Variants in ASTN1 observed in about 807,000 individuals in gnomAD.
ASTN1 encodes astrotactin 1.
A neutral mutation model predicts 140.7 loss-of-function variants in ASTN1; 41 were observed. The ratio of observed to expected loss-of-function variants is 0.29; its 90% CI spans 0.23 to 0.38. The LOEUF (loss-of-function observed/expected upper bound fraction) is 0.38, where lower values mean the gene tolerates loss of function less well. ASTN1 is among the 10% of genes least tolerant of loss of function. The pLI, the probability that ASTN1 is intolerant of heterozygous loss-of-function variation, is 1.00. For missense variants in ASTN1, 1,479 were observed against 1,678.8 expected (o/e 0.88, Z 2.08); for synonymous variants, 640 against 652.2 (o/e 0.98, Z 0.29).
intron 17 of ASTN1, among the ~76,000 whole-genome samples, chr1:176,892,717 A>G (rs1669317223): frequency 6.6e-6 from 1 of 152,236 alleles, no homozygotes; most frequent in African/African-American, 2.4e-5. Flanking sequence ...ACCCAATGAT[A>G]TGCCAGAGGT....
intron 20 of ASTN1, among the ~76,000 whole-genome samples, chr1:176,879,525 C>T (rs973741769): frequency 4.7e-4 from 71 of 152,300 alleles, no homozygotes; most frequent in South Asian, 8.3e-4. Flanking sequence ...CATCCTACTT[C>T]GTTGTCAGAT....
intron 8 of ASTN1, among the ~76,000 whole-genome samples, chr1:176,972,967 T>C (rs903513190): frequency 1.3e-5 from 2 of 152,144 alleles, no homozygotes; most frequent in African/African-American, 2.4e-5. Context: ...TATACTGCTC[T>C]GCCCCCATCT....
Position 177,007,253 on chromosome 1 carries a change from C to T in ASTN1, c.1523+7538G>A, listed in dbSNP as rs192134400. Among the ~76,000 whole-genome samples the T allele has an allele frequency of 1.5e-3, 235 of 152,104 alleles. 1 individual carries two copies. Among genetic ancestry groups the T allele is most frequent in the African/African-American group, 5.5e-3 (228 of 41,496 alleles). On this transcript the variant is annotated intron_variant, in intron 8 of 22. Coordinates refer to ENST00000361833, the MANE Select transcript of ASTN1 (RefSeq NM_004319.3). The stretch of plus-strand genomic sequence containing the variant: ...TACTAAAAATACAAAATGAGCCGGG[C>T]GTGATGGCACATGCCTTAATCTCAG...
intron 1 of ASTN1, among the ~76,000 whole-genome samples, chr1:177,144,920 A>G (rs1380520196): frequency 1.3e-5 from 2 of 152,116 alleles, no homozygotes; most frequent in African/African-American, 4.8e-5. Flanking sequence ...AAAACACATG[A>G]TTTACTCCAG....
chr1:176,946,056 G>A lies in ASTN1; in HGVS notation c.2119C>T (p.Pro707Ser), dbSNP rs2103111260. The A allele has an allele frequency of 6.2e-7, 1 of 1,614,004 alleles. No individual in the cohort carries two copies. The change falls in exon 13 of 23, where the codon CCA (proline) becomes TCA (serine). Residue 707 changes from proline (P) to serine (S), a missense_variant. Transcript: ENST00000361833. ...CTTTCCCCACAGTCACTTCCCTCTG[G>A]ACAGGTCTCCGTGATGAGTTGGCAA... The part of the protein sequence containing the change: ...RSCQLITETC[P>S]EGSDCGESRE...
chr1:176,966,096 C>T (rs930867648), intron 8 of ASTN1, among the ~76,000 whole-genome samples: 1 of 152,166 alleles, frequency 6.6e-6, no homozygotes, highest in Non-Finnish European at 1.5e-5. Context: ...AGCTATTGCA[C>T]ACACTAGGTG....
At chr1:176,900,546 T>C (rs1402003380) in intron 16 of ASTN1, among the ~76,000 whole-genome samples, 1 of 152,174 alleles carries the variant, frequency 6.6e-6, no homozygotes, top group Non-Finnish European at 1.5e-5. Context: ...TCTTGCTCCA[T>C]GCCCACGGCC....
At chr1:177,119,853 T>C (rs1004317712) in intron 1 of ASTN1, among the ~76,000 whole-genome samples, 1 of 151,968 alleles carries the variant, frequency 6.6e-6, no homozygotes, top group Non-Finnish European at 1.5e-5. Context: ...TCCCTTAACA[T>C]CCCCCTCTTC....
chr1:177,121,261 A>T (rs149120835), intron 1 of ASTN1, among the ~76,000 whole-genome samples: 3 of 152,234 alleles, frequency 2.0e-5, no homozygotes, highest in Non-Finnish European at 4.4e-5. Context: ...AGATGGAAAG[A>T]TCTATGCCCC....
intron 8 of ASTN1, among the ~76,000 whole-genome samples, chr1:176,974,448 T>C (rs10798493): frequency 0.063 from 9,609 of 151,588 alleles, 951 homozygotes; most frequent in African/African-American, 0.21. Context: ...TGCAGTGTCA[T>C]GATCTTGACT....
intron 1 of ASTN1, among the ~76,000 whole-genome samples, chr1:177,069,965 T>C (rs2102052673): frequency 6.6e-6 from 1 of 152,072 alleles, no homozygotes; most frequent in Middle Eastern, 3.4e-3. Context: ...TATTCTCCAC[T>C]GCCACCCGAC....
intron 18 of ASTN1, among the ~76,000 whole-genome samples, chr1:176,886,181 G>A (rs772683486): frequency 3.9e-5 from 6 of 152,134 alleles, no homozygotes; most frequent in Non-Finnish European, 8.8e-5. Flanking sequence ...GTATATTTTC[G>A]TTTCCCACTG....
intron 16 of ASTN1, among the ~76,000 whole-genome samples, chr1:176,926,000 G>A (rs1376684790): frequency 2.0e-5 from 3 of 151,840 alleles, no homozygotes; most frequent in Non-Finnish European, 2.9e-5. Context: ...GTAGAGACGG[G>A]GTTTCACCGT....
chr1:177,126,023 C>A (rs1211935935), intron 1 of ASTN1, among the ~76,000 whole-genome samples: 1 of 152,150 alleles, frequency 6.6e-6, no homozygotes, highest in Non-Finnish European at 1.5e-5. Context: ...CTTCTCTTGG[C>A]CCCCACCTAT....
At chr1:177,108,114 C>G (rs970099251) in intron 1 of ASTN1, among the ~76,000 whole-genome samples, 2 of 152,078 alleles carry the variant, frequency 1.3e-5, no homozygotes, top group Admixed American at 1.3e-4. Flanking sequence ...CTTTGGGAAG[C>G]TGAGGTGGGC....
intron 15 of ASTN1, 93 bp from the exon 16 acceptor site, chr1:176,934,433 T>A: frequency 7.7e-7 from 1 of 1,293,448 alleles, no homozygotes. Flanking sequence ...TGGAAGTGCC[T>A]GTGTGGCTCA....
At chr1:177,010,473 A>T (rs1393527919) in intron 8 of ASTN1, among the ~76,000 whole-genome samples, 1 of 152,212 alleles carries the variant, frequency 6.6e-6, no homozygotes, top group African/African-American at 2.4e-5. Context: ...CAAACATTCC[A>T]TGTTCTTTTA....
intron 7 of ASTN1, among the ~76,000 whole-genome samples, chr1:177,015,530 G>A: frequency 1.3e-5 from 2 of 152,158 alleles, no homozygotes; most frequent in East Asian, 3.9e-4. Context: ...TAGCTTTTAA[G>A]TAAAAATGAT....
chr1:176,915,550 T>C (rs1670442327), intron 16 of ASTN1, among the ~76,000 whole-genome samples: 1 of 152,218 alleles, frequency 6.6e-6, no homozygotes, highest in African/African-American at 2.4e-5. Flanking sequence ...CAGGATATCA[T>C]GCATCCTGGG....
Sources: gnomAD v4.1 joint callset for allele counts (sites outside exome capture counted in the v4.1 genomes callset) on GRCh38, gnomAD v4.1.1 for gene constraint, MANE v1.5 for transcripts, NCBI Gene and HGNC (gene_info 2026-07-23, HGNC 2026-07-21) for gene names.